The following RBMS3 variants were observed in gnomAD, a reference collection of about 807,000 sequenced individuals.
RBMS3 encodes RNA binding motif single stranded interacting protein 3.
RBMS3 carries 27 observed loss-of-function variants against 66.8 expected under a neutral mutation model. The observed-to-expected ratio is 0.40, with a 90% CI of 0.30 to 0.56. The LOEUF (loss-of-function observed/expected upper bound fraction) is 0.56. Among genes scored for constraint, RBMS3 ranks in the 20% least tolerant of loss-of-function variants. The pLI is 0.40. For synonymous variants in RBMS3, 188 were observed against 183.0 expected, an observed-to-expected ratio of 1.03 and a Z score of -0.22; for missense variants, 513 against 549.5, an observed-to-expected ratio of 0.93 and a Z score of 0.66.
chr3:29,534,782 T>C (rs999512525), intron 3 of RBMS3, among the ~76,000 whole-genome samples: 3 of 152,190 alleles, frequency 2.0e-5, no homozygotes, highest in Non-Finnish European at 4.4e-5. Flanking sequence ...GTTCTATAGC[T>C]TTCAGCAGCA....
chr3:29,650,202 C>T (rs192649685), intron 4 of RBMS3, among the ~76,000 whole-genome samples: 41 of 151,664 alleles, frequency 2.7e-4, no homozygotes, highest in African/African-American at 8.7e-4. Flanking sequence ...CACCCAGAAA[C>T]GAAGTGTATT....
chr3:29,876,344 G>T (rs947626576), intron 7 of RBMS3, among the ~76,000 whole-genome samples: 2 of 152,010 alleles, frequency 1.3e-5, no homozygotes, highest in Non-Finnish European at 2.9e-5. Flanking sequence ...AAGTCAAGCT[G>T]CAGCTTTTCC....
At chr3:29,428,335 C>T (rs1575787692) in intron 1 of RBMS3, among the ~76,000 whole-genome samples, 1 of 152,138 alleles carries the variant, frequency 6.6e-6, no homozygotes, top group Non-Finnish European at 1.5e-5. Flanking sequence ...ATAAACTATG[C>T]TACCATGCAC....
chr3:29,847,014 A>T (rs1167447342), intron 6 of RBMS3, among the ~76,000 whole-genome samples: 2 of 152,204 alleles, frequency 1.3e-5, no homozygotes, highest in Non-Finnish European at 2.9e-5. Context: ...GAAGTCAAAG[A>T]TGCAAGGCGC....
intron 3 of RBMS3, chr3:29,537,680 G>C (rs1015814276): frequency 2.0e-5 from 3 of 152,126 alleles, no homozygotes; most frequent in Non-Finnish European, 4.4e-5. Context: ...AAAATTAGCC[G>C]GGCGTGGCGG....
chr3:29,834,789 T>C (rs1559720769), intron 6 of RBMS3, among the ~76,000 whole-genome samples: 3 of 152,064 alleles, frequency 2.0e-5, no homozygotes, highest in Non-Finnish European at 1.5e-5. Context: ...TACCTATTCA[T>C]AATTTGTTTA....
intron 14 of RBMS3, among the ~76,000 whole-genome samples, chr3:29,997,240 G>T (rs1041771467): frequency 1.3e-5 from 2 of 152,064 alleles, no homozygotes; most frequent in African/African-American, 4.8e-5. Flanking sequence ...TCTCTGAATA[G>T]ACCAATAACA....
intron 1 of RBMS3, among the ~76,000 whole-genome samples, chr3:29,345,591 C>T (rs533698094): frequency 2.0e-5 from 3 of 152,262 alleles, no homozygotes; most frequent in African/African-American, 7.2e-5. Context: ...CAGCTCTTTC[C>T]ATCTGTATAT....
Position 29,297,248 on chromosome 3 carries a change from A to G in RBMS3, c.75+15492A>G, listed in dbSNP as rs151075057. On this transcript the variant is annotated intron_variant, in intron 1 of 14. Coordinates refer to ENST00000383767, the MANE Select transcript of RBMS3 (RefSeq NM_001003793.3). ...TTTGGTAAAAATGTCTTGAGGATCA[A>G]TATTAGACTAATAGTAATGTGTTTC... Among the ~76,000 whole-genome samples, 166 of 151,990 alleles carry G rather than the reference A, an allele frequency of 1.1e-3. 1 individual carries two copies. The East Asian group carries it at 0.024, about 22-fold the overall frequency.
At chr3:29,858,677 C>G (rs1238694959) in intron 6 of RBMS3, among the ~76,000 whole-genome samples, 1 of 152,174 alleles carries the variant, frequency 6.6e-6, no homozygotes, top group African/African-American at 2.4e-5. Context: ...CTTTATGTCC[C>G]GTCTACTTGA....
chr3:29,688,906 T>A (rs1466212679), intron 4 of RBMS3, among the ~76,000 whole-genome samples: 2 of 152,058 alleles, frequency 1.3e-5, no homozygotes, highest in African/African-American at 2.4e-5. Flanking sequence ...TAAAGACTGA[T>A]GGAGAGATTT....
chr3:29,472,693 C>G (rs1394477087), intron 2 of RBMS3, among the ~76,000 whole-genome samples: 1 of 151,942 alleles, frequency 6.6e-6, no homozygotes, highest in Non-Finnish European at 1.5e-5. Flanking sequence ...GTTGTTCGTT[C>G]CTCCCAGTGG....
intron 3 of RBMS3, among the ~76,000 whole-genome samples, chr3:29,552,276 G>A (rs1022233740): frequency 8.5e-5 from 13 of 152,228 alleles, no homozygotes; most frequent in African/African-American, 2.9e-4. Flanking sequence ...CTGCCTCTTT[G>A]GGAAGTTGTA....
chr3:29,300,343 G>A (rs1490575756), intron 1 of RBMS3, among the ~76,000 whole-genome samples: 2 of 151,930 alleles, frequency 1.3e-5, no homozygotes, highest in African/African-American at 2.4e-5. Context: ...AGATTAAAGT[G>A]TATATCTACA....
At chr3:29,348,742 G>C (rs1203604023) in intron 1 of RBMS3, among the ~76,000 whole-genome samples, 2 of 152,074 alleles carry the variant, frequency 1.3e-5, no homozygotes, top group African/African-American at 2.4e-5. Flanking sequence ...AATTAAATGA[G>C]GTCACAGAGA....
At chr3:29,462,505 G>T (rs2042405127) in intron 2 of RBMS3, among the ~76,000 whole-genome samples, 1 of 152,170 alleles carries the variant, frequency 6.6e-6, no homozygotes, top group Non-Finnish European at 1.5e-5. Flanking sequence ...GCAGTTGCCT[G>T]GCTGTGGACT....
chr3:29,419,007 T>G (rs1355768820), intron 1 of RBMS3, among the ~76,000 whole-genome samples: 1 of 152,166 alleles, frequency 6.6e-6, no homozygotes, highest in Non-Finnish European at 1.5e-5. Flanking sequence ...TCACTCTGGG[T>G]AGTAAAATGT....
chr3:29,720,696 C>CTGTGTGTG (rs201802434), intron 4 of RBMS3, among the ~76,000 whole-genome samples: 34,915 of 147,290 alleles, frequency 0.24, 4,376 homozygotes, highest in East Asian at 0.35. Flanking sequence ...CTGTAAGAAT[C>CTGTGTGTG]TGTGTGTGTG....
chr3:29,651,688 C>G (rs1177494328), intron 4 of RBMS3, among the ~76,000 whole-genome samples: 1 of 152,082 alleles, frequency 6.6e-6, no homozygotes. Flanking sequence ...AAACTCTTTT[C>G]GTTCATTATC....
Sources: gnomAD v4.1 joint callset for allele counts (sites outside exome capture counted in the v4.1 genomes callset) on GRCh38, gnomAD v4.1.1 for gene constraint, MANE v1.5 for transcripts, NCBI Gene and HGNC (gene_info 2026-07-23, HGNC 2026-07-21) for gene names.